The following GALNT14 variants were observed in gnomAD, a reference collection of about 807,000 sequenced individuals.
GALNT14 encodes the protein UDP-GalNAc:polypeptide N-acetylgalactosaminyltransferase 14.
In GALNT14, 60 loss-of-function variants were observed where a neutral mutation model predicts 77.5. That is an observed-to-expected ratio of 0.77 (90% CI 0.63 to 0.96). GALNT14 has a LOEUF of 0.96. Among genes scored for constraint, GALNT14 ranks in the 40% least tolerant of loss-of-function variants. GALNT14 has a pLI of 0.00. For synonymous variants in GALNT14, 280 were observed against 281.7 expected, an observed-to-expected ratio of 0.99 and a Z score of 0.06; for missense variants, 710 against 731.0, an observed-to-expected ratio of 0.97 and a Z score of 0.33.
chr2:30,959,637 A>T (rs1164891887), intron 3 of GALNT14, among the ~76,000 whole-genome samples: 2 of 152,260 alleles, frequency 1.3e-5, no homozygotes, highest in Non-Finnish European at 2.9e-5. Flanking sequence ...AAAAGCATTT[A>T]ACATGATATT....
intron 2 of GALNT14, among the ~76,000 whole-genome samples, chr2:30,968,125 G>C (rs188586411): frequency 6.6e-6 from 1 of 152,312 alleles, no homozygotes; most frequent in Non-Finnish European, 1.5e-5. Flanking sequence ...TCCTCAACTT[G>C]ACTGTGAGTT....
intron 3 of GALNT14, 129 bp downstream of exon 3, chr2:30,966,075 A>C: frequency 1.5e-6 from 1 of 663,970 alleles, no homozygotes; most frequent in South Asian, 1.8e-5. Context: ...TGTGACATAT[A>C]GAATAGTGCC....
intron 2 of GALNT14, among the ~76,000 whole-genome samples, chr2:30,982,805 T>C (rs1430456732): frequency 6.6e-6 from 1 of 152,236 alleles, no homozygotes; most frequent in East Asian, 1.9e-4. Flanking sequence ...ATGTATCTTA[T>C]ATTTCAATAA....
At chr2:31,025,769 C>G (rs1369884423) in intron 1 of GALNT14, among the ~76,000 whole-genome samples, 1 of 152,198 alleles carries the variant, frequency 6.6e-6, no homozygotes, top group Non-Finnish European at 1.5e-5. Context: ...AACAAAGTGG[C>G]TCATGCTATT....
At chr2:30,932,921 G>A (rs1364585500) in intron 9 of GALNT14, among the ~76,000 whole-genome samples, 1 of 152,152 alleles carries the variant, frequency 6.6e-6, no homozygotes, top group East Asian at 1.9e-4. Context: ...GTGTCCCCTA[G>A]GTTTGTACAC....
chr2:31,072,318 C>T (rs1675458855), intron 1 of GALNT14, among the ~76,000 whole-genome samples: 1 of 143,140 alleles, frequency 7.0e-6, no homozygotes, highest in African/African-American at 2.8e-5. Flanking sequence ...CACACACACA[C>T]ACACGCATGC....
chr2:30,916,752 G>T (rs1664703880), intron 13 of GALNT14, among the ~76,000 whole-genome samples: 1 of 152,042 alleles, frequency 6.6e-6, no homozygotes, highest in African/African-American at 2.4e-5. Flanking sequence ...TGCACAGGAT[G>T]GCGAAGCAGG....
At position 30,932,186 on chromosome 2, in the gene GALNT14, A is replaced by T. The variant is rs1665777443; in HGVS notation, c.940T>A (p.Phe314Ile). ...CTGCCCCCGCACATCCACACTCGGA[A>T]GGAGATTTCTGCAAGACAGTCACGC... is the stretch of plus-strand genomic sequence containing the variant. ...IWGGENFEISFRVWMCGGSLE... is the reference protein window; with the variant it reads ...IWGGENFEISIRVWMCGGSLE... The change falls in exon 10 of 15, where the codon TTC becomes ATC. Residue 314 changes from phenylalanine (F) to isoleucine (I), a missense_variant. By Grantham distance (21) the Phe-to-Ile change is conservative. Coordinates refer to ENST00000349752, the MANE Select transcript of GALNT14 (RefSeq NM_024572.4). 10 of 1,511,728 alleles carry T rather than the reference A, an allele frequency of 6.6e-6. No homozygotes were observed. Among genetic ancestry groups the T allele is most frequent in the Non-Finnish European group, 8.9e-6 (10 of 1,129,212 alleles). The allele number at this position is 1,511,728 out of a possible 1,614,324, so 93.6% of individuals were successfully genotyped here. A position where few individuals can be genotyped will look rare whatever the true frequency, so the allele number is the denominator to read the frequency against.
intron 1 of GALNT14, among the ~76,000 whole-genome samples, chr2:30,996,436 C>T (rs532956485): frequency 4.6e-5 from 7 of 152,306 alleles, no homozygotes; most frequent in Admixed American, 6.5e-5. Context: ...TGGGAAGGGA[C>T]GCTGGAACTG....
At chr2:31,042,795 C>T (rs778130629) in intron 1 of GALNT14, among the ~76,000 whole-genome samples, 2 of 152,180 alleles carry the variant, frequency 1.3e-5, no homozygotes, top group Non-Finnish European at 2.9e-5. Context: ...CGTCTCAGGC[C>T]TGGCTTATTT....
intron 6 of GALNT14, among the ~76,000 whole-genome samples, chr2:30,947,645 G>C (rs1314126909): frequency 1.3e-5 from 2 of 152,154 alleles, no homozygotes; most frequent in Non-Finnish European, 2.9e-5. Context: ...AACCAGGCAG[G>C]ACTGCTTTTC....
At chr2:31,073,509 A>T (rs936939838) in intron 1 of GALNT14, among the ~76,000 whole-genome samples, 1 of 152,104 alleles carries the variant, frequency 6.6e-6, no homozygotes, top group Non-Finnish European at 1.5e-5. Context: ...GCATTTGGGG[A>T]ACGATGCAAG....
chr2:30,888,497 A>G, the GALNT14 span, among the ~76,000 whole-genome samples: 3 of 152,354 alleles, frequency 2.0e-5, no homozygotes, highest in East Asian at 1.9e-4. Flanking sequence ...AAGAGTGGCC[A>G]GCATGTGGCA....
At chr2:30,962,397 T>G (rs1054597372) in intron 3 of GALNT14, among the ~76,000 whole-genome samples, 1 of 152,124 alleles carries the variant, frequency 6.6e-6, no homozygotes, top group Non-Finnish European at 1.5e-5. Context: ...ATCTGGGATA[T>G]TATAAAAAAG....
intron 3 of GALNT14, among the ~76,000 whole-genome samples, chr2:30,964,340 A>G (rs1667870792): frequency 6.6e-6 from 1 of 152,080 alleles, no homozygotes; most frequent in South Asian, 2.1e-4. Context: ...GGCACTTCAG[A>G]ACCAGCCACC....
chr2:31,116,975 TA>T (rs1283707049), intron 1 of GALNT14, among the ~76,000 whole-genome samples: 1 of 151,796 alleles, frequency 6.6e-6, no homozygotes, highest in African/African-American at 2.4e-5. Context: ...AGGCAGAGGT[TA>T]CAGAGAGCTG....
chr2:30,982,459 T>C (rs911833967), intron 2 of GALNT14, among the ~76,000 whole-genome samples: 11 of 152,308 alleles, frequency 7.2e-5, no homozygotes, highest in African/African-American at 2.6e-4. Context: ...AATATATTCT[T>C]ATAAAGGAAT....
chr2:31,113,927 T>C (rs1281158350), intron 1 of GALNT14, among the ~76,000 whole-genome samples: 4 of 151,960 alleles, frequency 2.6e-5, no homozygotes, highest in African/African-American at 7.3e-5. Flanking sequence ...TGCACTAAGA[T>C]AGGGAAGCTA....
intron 2 of GALNT14, among the ~76,000 whole-genome samples, chr2:30,989,677 TA>T (rs752665975): frequency 0.021 from 2,389 of 113,386 alleles, 60 homozygotes; most frequent in South Asian, 0.059. Flanking sequence ...TTAGTATATA[TA>T]AAAAATATAT....
Sources: gnomAD v4.1 joint callset for allele counts (sites outside exome capture counted in the v4.1 genomes callset) on GRCh38, gnomAD v4.1.1 for gene constraint, MANE v1.5 for transcripts, NCBI Gene and HGNC (gene_info 2026-07-23, HGNC 2026-07-21) for gene names.